The following DLGAP4 variants were observed in gnomAD, a reference collection of about 807,000 sequenced individuals.
DLGAP4 encodes disks large-associated protein 4.
A neutral mutation model predicts 86.9 loss-of-function variants in DLGAP4; 18 were observed. The ratio of observed to expected loss-of-function variants is 0.21; its 90% CI spans 0.14 to 0.31. The LOEUF is 0.31. Ranked by LOEUF, DLGAP4 falls within the 10% of genes least tolerant of loss-of-function variation. The pLI, the probability that DLGAP4 is intolerant of heterozygous loss-of-function variation, is 1.00. For missense variants in DLGAP4, 1,085 were observed against 1,362.6 expected (o/e 0.80, Z 3.21); for synonymous variants, 548 against 574.3 (o/e 0.95, Z 0.65).
At chr20:36,381,314 G>A (rs1409266648) in intron 2 of DLGAP4, among the ~76,000 whole-genome samples, 1 of 152,260 alleles carries the variant, frequency 6.6e-6, no homozygotes, top group Non-Finnish European at 1.5e-5. Flanking sequence ...ACTTCAATCA[G>A]TGTCAAAACA....
Position 36,431,281 on chromosome 20 carries a change from G to A in DLGAP4, c.-72-365G>A, listed in dbSNP as rs1218385203. Among the ~76,000 whole-genome samples, 2 of 152,000 alleles carry A rather than the reference G, an allele frequency of 1.3e-5. No homozygotes were observed. Among genetic ancestry groups the A allele is most frequent in the Non-Finnish European group, 2.9e-5 (2 of 68,008 alleles). ...ATCTATGTGGACCCTCGGGGTGAGG[G>A]ACAGAGTCAGAAACGGAAAGAGAGT... On this transcript the variant is annotated intron_variant, in intron 2 of 12. Coordinates refer to ENST00000339266, the MANE Select transcript of DLGAP4 (RefSeq NM_001365621.2). The surrounding 1 kb of genome is among the most constrained non-coding windows in gnomAD (Gnocchi z 5.1).
Position 36,527,630 on chromosome 20 carries a change from A to G in DLGAP4, c.*599A>G, listed in dbSNP as rs911447658. On this transcript the variant is annotated 3_prime_UTR_variant, in exon 13 of 13. Transcript: ENST00000339266. ...CCCTCCCCCCGCCAAGTGCTCACAC[A>G]CAACCTCACGCGCACACACACACAC... 1.3e-5 allele frequency: 2 copies of G among 152,772 alleles called. No homozygotes were observed. Among genetic ancestry groups the G allele is most frequent in the African/African-American group, 4.8e-5 (2 of 41,386 alleles). The allele number at this position is 152,772 out of a possible 1,614,324, so 9.5% of individuals were successfully genotyped here. A position where few individuals can be genotyped will look rare whatever the true frequency, so the allele number is the denominator to read the frequency against.
intron 2 of DLGAP4, among the ~76,000 whole-genome samples, chr20:36,392,937 G>A (rs968010488): frequency 2.6e-5 from 4 of 152,158 alleles, no homozygotes; most frequent in African/African-American, 9.7e-5. Flanking sequence ...ATGAATCAAG[G>A]GAGAAGCCAC....
intron 1 of DLGAP4, among the ~76,000 whole-genome samples, chr20:36,330,213 C>T (rs189555241): frequency 9.3e-4 from 141 of 152,220 alleles, no homozygotes; most frequent in African/African-American, 3.3e-3. Context: ...CAGAGCCTGC[C>T]TTTGAAGGAG....
chr20:36,306,344 C>T lies in DLGAP4; in HGVS notation c.-472C>T, dbSNP rs1221222554. The T allele has an allele frequency of 1.3e-5, 2 of 150,188 alleles. No individual in the cohort carries two copies. Among genetic ancestry groups the T allele is most frequent in the Admixed American group, 1.3e-4 (2 of 15,090 alleles). 9.3% of individuals were successfully genotyped at this position (150,188 alleles called of 1,614,324 possible). A position where few individuals can be genotyped will look rare whatever the true frequency, so the allele number is the denominator to read the frequency against. On this transcript the variant is annotated 5_prime_UTR_variant, in exon 1 of 13. Coordinates refer to ENST00000339266, the MANE Select transcript of DLGAP4 (RefSeq NM_001365621.2). The surrounding 1 kb of genome is among the most constrained non-coding windows in gnomAD (Gnocchi z 4.9). ...GCCGCACGGCTCCTCCTCCCGCAGC[C>T]GCATCTGGGGCGCCGCGCCGGCCGG... is the stretch of plus-strand genomic sequence containing the variant.
intron 10 of DLGAP4, among the ~76,000 whole-genome samples, chr20:36,512,192 A>G (rs1320247969): frequency 6.6e-6 from 1 of 151,436 alleles, no homozygotes; most frequent in Non-Finnish European, 1.5e-5. Context: ...CTGGGACTAC[A>G]GGTGCCCACC....
At chr20:36,310,882 C>T (rs937226429) in intron 1 of DLGAP4, among the ~76,000 whole-genome samples, 17 of 152,156 alleles carry the variant, frequency 1.1e-4, no homozygotes, top group Non-Finnish European at 1.9e-4. Flanking sequence ...CCGAGGAGTC[C>T]TGTGTGTTGC....
intron 2 of DLGAP4, among the ~76,000 whole-genome samples, chr20:36,429,460 A>C (rs887700450): frequency 3.8e-5 from 5 of 129,940 alleles, no homozygotes; most frequent in East Asian, 2.3e-4. Flanking sequence ...GCTGGAGTGC[A>C]GTGGCACGAT....
At chr20:36,454,223 C>T (rs1410864392) in intron 7 of DLGAP4, among the ~76,000 whole-genome samples, 1 of 148,604 alleles carries the variant, frequency 6.7e-6, no homozygotes, top group Non-Finnish European at 1.5e-5. Flanking sequence ...CGCACTATTA[C>T]ACTCCAGCCT....
chr20:36,527,228 TCA>T lies in DLGAP4; in HGVS notation c.*200_*201del. 1 of 479,428 alleles carries T rather than the reference TCA, an allele frequency of 2.1e-6. No individual in the cohort carries two copies. The highest frequency in any genetic ancestry group is 5.6e-5 in the South Asian group (1 of 17,858). 29.7% of individuals were successfully genotyped at this position (479,428 alleles called of 1,614,324 possible). On this transcript the variant is annotated 3_prime_UTR_variant, in exon 13 of 13. Transcript: ENST00000339266. ...CAGCTTTAGGTTATGAAGATTTTAC[TCA>T]CAAAAAAAATCAACAAAAATCACGA...
At chr20:36,410,379 C>G (rs2032464609) in intron 2 of DLGAP4, among the ~76,000 whole-genome samples, 1 of 152,162 alleles carries the variant, frequency 6.6e-6, no homozygotes, top group African/African-American at 2.4e-5. Context: ...GAATACGGAC[C>G]CCAACTCCCT....
intron 2 of DLGAP4, among the ~76,000 whole-genome samples, chr20:36,401,626 T>G (rs542714258): frequency 6.6e-6 from 1 of 152,344 alleles, no homozygotes; most frequent in South Asian, 2.1e-4. Flanking sequence ...GCATCGTGGT[T>G]AGCGTTGGGG....
rs1275402 is a variant in DLGAP4, at chr20:36,428,168, C to T, written c.-72-3478C>T. ...CTTTAGCAGGGGTGAGGGAGGGAGG[C>T]ACCTTGCAAGAGGAGGGTTGAACCT... is the stretch of plus-strand genomic sequence containing the variant. On this transcript the variant is annotated intron_variant, in intron 2 of 12. Coordinates refer to ENST00000339266, the MANE Select transcript of DLGAP4 (RefSeq NM_001365621.2). 8.8e-3 allele frequency among the ~76,000 whole-genome samples: 1,333 copies of T among 152,212 alleles called. 18 individuals carry two copies. The highest frequency in any genetic ancestry group is 0.031 in the African/African-American group (1,292 of 41,520).
At chr20:36,348,423 T>C (rs1265516189) in intron 1 of DLGAP4, among the ~76,000 whole-genome samples, 2 of 152,194 alleles carry the variant, frequency 1.3e-5, no homozygotes, top group African/African-American at 4.8e-5. Context: ...ACTTTCTTTT[T>C]TTTTTCTTTT....
At position 36,387,218 on chromosome 20, in the gene DLGAP4, G is replaced by T. The variant is rs552619820; in HGVS notation, c.-73+19943G>T. ...CATCGCTCTTTAATTTTGCCAATCT[G>T]CTGGGAGAAAATATCTCATTTTCAT... On this transcript the variant is annotated intron_variant, in intron 2 of 12. Transcript: ENST00000339266. Among the ~76,000 whole-genome samples, 240 of 152,172 alleles carry T rather than the reference G, an allele frequency of 1.6e-3. 1 individual carries two copies. The highest frequency in any genetic ancestry group is 2.0e-3 in the Non-Finnish European group (136 of 68,030).
chr20:36,341,413 C>A (rs539501247), intron 1 of DLGAP4, among the ~76,000 whole-genome samples: 1 of 152,330 alleles, frequency 6.6e-6, no homozygotes, highest in East Asian at 1.9e-4. Flanking sequence ...TGCCCCAACC[C>A]CAGCCCCTAG....
intron 2 of DLGAP4, among the ~76,000 whole-genome samples, chr20:36,400,131 G>A (rs1345243472): frequency 1.3e-5 from 2 of 152,230 alleles, no homozygotes; most frequent in Non-Finnish European, 2.9e-5. Flanking sequence ...TTGTATACAA[G>A]CTTGAAGTAC....
chr20:36,406,397 C>A (rs1402182199), intron 2 of DLGAP4, among the ~76,000 whole-genome samples: 211 of 109,880 alleles, frequency 1.9e-3, no homozygotes, highest in South Asian at 2.2e-3. Context: ...GACTCCACCT[C>A]AAAAAAAAAA....
intron 7 of DLGAP4, among the ~76,000 whole-genome samples, chr20:36,488,026 C>A (rs1385428209): frequency 6.6e-6 from 1 of 151,962 alleles, no homozygotes; most frequent in African/African-American, 2.4e-5. Flanking sequence ...ATGGTGAAAC[C>A]CCGTCTCTAC....
Sources: gnomAD v4.1 joint callset for allele counts (sites outside exome capture counted in the v4.1 genomes callset) on GRCh38, gnomAD v4.1.1 for gene constraint, Gnocchi (gnomAD v3.1) non-coding constraint, MANE v1.5 for transcripts, NCBI Gene and HGNC (gene_info 2026-07-23, HGNC 2026-07-21) for gene names.